Variants in TMEM161B observed in about 807,000 individuals in gnomAD.
TMEM161B encodes the protein transmembrane protein 161B.
TMEM161B carries 34 observed loss-of-function variants against 61.8 expected under a neutral mutation model. The ratio of observed to expected loss-of-function variants is 0.55; its 90% CI spans 0.42 to 0.73. TMEM161B has a LOEUF of 0.73. Ranked by LOEUF, TMEM161B falls within the 30% of genes least tolerant of loss-of-function variation. The pLI is 0.00. For synonymous variants in TMEM161B, 167 were observed against 192.8 expected (o/e 0.87, Z 1.11); for missense variants, 456 against 558.5 (o/e 0.82, Z 1.85).
intron 5 of TMEM161B, among the ~76,000 whole-genome samples, chr5:88,210,999 C>T (rs918625144): frequency 9.9e-5 from 15 of 152,098 alleles, no homozygotes; most frequent in African/African-American, 3.6e-4. Flanking sequence ...CTACTTTGTT[C>T]CCCTAATCCT....
intron 8 of TMEM161B, among the ~76,000 whole-genome samples, chr5:88,204,615 C>T (rs554139451): frequency 2.6e-5 from 4 of 152,080 alleles, no homozygotes; most frequent in African/African-American, 7.2e-5. Flanking sequence ...TTATTTAAAT[C>T]ATAACACTGG....
intron 4 of TMEM161B, among the ~76,000 whole-genome samples, chr5:88,224,162 A>G (rs1225331419): frequency 6.6e-6 from 1 of 152,194 alleles, no homozygotes; most frequent in Non-Finnish European, 1.5e-5. Flanking sequence ...TATCAAAATT[A>G]TTTTTTAAAA....
chr5:88,253,501 T>A (rs1025054932), intron 1 of TMEM161B, among the ~76,000 whole-genome samples: 2 of 152,150 alleles, frequency 1.3e-5, no homozygotes, highest in African/African-American at 4.8e-5. Context: ...GTCAGGCAGT[T>A]ATACCTACCC....
At chr5:88,208,595 T>C (rs1405683626) in intron 5 of TMEM161B, among the ~76,000 whole-genome samples, 1 of 152,162 alleles carries the variant, frequency 6.6e-6, no homozygotes, top group African/African-American at 2.4e-5. Context: ...TGAGCCGAGA[T>C]AGCACCACTG....
intron 5 of TMEM161B, among the ~76,000 whole-genome samples, chr5:88,214,766 A>G (rs1454657760): frequency 6.6e-6 from 1 of 152,214 alleles, no homozygotes; most frequent in Non-Finnish European, 1.5e-5. Context: ...TGGTCAGAGA[A>G]GATGGTTAGA....
chr5:88,200,895 A>T (rs1226901971), intron 9 of TMEM161B: 1 of 152,020 alleles, frequency 6.6e-6, no homozygotes, highest in East Asian at 1.9e-4. Context: ...GGTTGAAACT[A>T]CATTATACCA....
At chr5:88,255,895 G>C (rs1360473786) in intron 1 of TMEM161B, among the ~76,000 whole-genome samples, 2 of 151,872 alleles carry the variant, frequency 1.3e-5, no homozygotes, top group African/African-American at 2.4e-5. Context: ...TTAAAGATTA[G>C]AACTACAACA....
chr5:88,208,272 A>G (rs981184499), intron 5 of TMEM161B, among the ~76,000 whole-genome samples: 1 of 150,122 alleles, frequency 6.7e-6, no homozygotes, highest in Admixed American at 6.6e-5. Context: ...TCACGAGGTC[A>G]GGAGATCGAG....
chr5:88,226,434 T>C (rs185814153), intron 3 of TMEM161B, among the ~76,000 whole-genome samples: 51 of 152,330 alleles, frequency 3.3e-4, no homozygotes, highest in Non-Finnish European at 5.4e-4. Flanking sequence ...AAGACAAACA[T>C]ATAGAAAGCA....
chr5:88,206,038 C>T, intron 7 of TMEM161B, 84 bp from the exon 8 acceptor site: 2 of 1,106,050 alleles, frequency 1.8e-6, no homozygotes, highest in South Asian at 1.5e-5. Context: ...AATTATCTTA[C>T]AAATAACAAT....
chr5:88,227,159 C>T (rs1394860612), intron 3 of TMEM161B, among the ~76,000 whole-genome samples: 1 of 152,104 alleles, frequency 6.6e-6, no homozygotes, highest in Admixed American at 6.5e-5. Flanking sequence ...CACTGCACTT[C>T]GGCCTGAGTG....
At chr5:88,224,965 G>GTTTTT (rs1008381182) in intron 4 of TMEM161B, among the ~76,000 whole-genome samples, 1 of 131,106 alleles carries the variant, frequency 7.6e-6, no homozygotes, top group African/African-American at 2.9e-5. Context: ...ATATGTTTTT[G>GTTTTT]TTTTTTTTTT....
chr5:88,202,183 T>C (rs1319243658), intron 9 of TMEM161B: 1 of 452,118 alleles, frequency 2.2e-6, no homozygotes, highest in Admixed American at 2.4e-5. Flanking sequence ...AAGATTTTAG[T>C]GAGGAGGAGA....
intron 1 of TMEM161B, among the ~76,000 whole-genome samples, chr5:88,245,192 A>C (rs1753415543): frequency 6.6e-6 from 1 of 151,896 alleles, no homozygotes; most frequent in Non-Finnish European, 1.5e-5. Context: ...TTAATGTCTT[A>C]AACTCTATCA....
intron 2 of TMEM161B, among the ~76,000 whole-genome samples, chr5:88,238,545 G>A (rs1320066873): frequency 6.6e-6 from 1 of 151,822 alleles, no homozygotes; most frequent in East Asian, 1.9e-4. Context: ...ATTCATAGTT[G>A]TAAAAAAAAA....
At chr5:88,229,749 G>C (rs374974143) in intron 2 of TMEM161B, among the ~76,000 whole-genome samples, 1 of 150,270 alleles carries the variant, frequency 6.7e-6, no homozygotes. Context: ...CCCAATTGCT[G>C]TTCCCCCCGT....
chr5:88,235,049 C>T (rs573807207), intron 2 of TMEM161B, among the ~76,000 whole-genome samples: 1 of 152,252 alleles, frequency 6.6e-6, no homozygotes, highest in South Asian at 2.1e-4. Context: ...CTGTACTCTA[C>T]TAAATTAATT....
intron 1 of TMEM161B, among the ~76,000 whole-genome samples, chr5:88,247,096 T>C (rs1753718619): frequency 6.6e-6 from 1 of 152,000 alleles, no homozygotes; most frequent in Admixed American, 6.6e-5. Flanking sequence ...CCTAAGGCCA[T>C]GAAGAGCAAG....
At chr5:88,185,977 C>T (rs919720687), downstream of TMEM161B, among the ~76,000 whole-genome samples, 2 of 152,144 alleles carry the variant, frequency 1.3e-5, no homozygotes, top group Admixed American at 1.3e-4. Context: ...AATGCTCTTC[C>T]ACTTAAAACA....
Sources: allele counts gnomAD v4.1 joint callset (sites outside exome capture counted in the v4.1 genomes callset), GRCh38; gene constraint gnomAD v4.1.1; transcripts MANE v1.5; gene names NCBI Gene and HGNC (gene_info 2026-07-23, HGNC 2026-07-21).